Variants in TYW1B observed in about 807,000 individuals in gnomAD.
TYW1B encodes the protein tRNA-yW synthesizing protein 1 homolog B.
Under a neutral mutation model 86.9 loss-of-function variants are expected in TYW1B, and 73 were observed. The observed-to-expected ratio is 0.84, with a 90% CI of 0.70 to 1.02. The LOEUF is 1.02. TYW1B is among the 50% of genes least tolerant of loss of function. TYW1B has a pLI of 0.00. For missense variants in TYW1B, 637 were observed against 827.4 expected, an observed-to-expected ratio of 0.77 and a Z score of 2.82; for synonymous variants, 248 against 292.8, an observed-to-expected ratio of 0.85 and a Z score of 1.56.
intron 11 of TYW1B, among the ~76,000 whole-genome samples, chr7:72,663,761 CA>C (rs1177247717): frequency 1.0e-3 from 58 of 57,830 alleles, no homozygotes; most frequent in African/African-American, 4.0e-3. Context: ...GACTCCATCT[CA>C]AAAAAAAAAA....
At chr7:72,667,031 C>CAAAAAAAAAAAAAAAAAAAA (rs60691255) in intron 11 of TYW1B, among the ~76,000 whole-genome samples, 17 of 42,300 alleles carry the variant, frequency 4.0e-4, no homozygotes, top group Middle Eastern at 0.029. Context: ...GACTCCGTCT[C>CAAAAAAAAAAAAAAAAAAAA]AAAAAAAAAA....
At chr7:72,628,378 A>T (rs1173489640) in intron 12 of TYW1B, among the ~76,000 whole-genome samples, 1 of 152,178 alleles carries the variant, frequency 6.6e-6, no homozygotes, top group Non-Finnish European at 1.5e-5. Flanking sequence ...TAAATGATAT[A>T]ATTTTGGTGG....
chr7:72,610,609 C>G (rs559740704), intron 13 of TYW1B, among the ~76,000 whole-genome samples: 28 of 152,202 alleles, frequency 1.8e-4, no homozygotes, highest in African/African-American at 6.5e-4. Flanking sequence ...GTTGCTGGAC[C>G]TGAGGGTTAT....
At chr7:72,630,837 C>CA (rs1179092330) in intron 11 of TYW1B, among the ~76,000 whole-genome samples, 2 of 152,040 alleles carry the variant, frequency 1.3e-5, no homozygotes, top group Admixed American at 6.6e-5. Flanking sequence ...CTTCCAATGC[C>CA]AAAAGCTAAC....
intron 13 of TYW1B, among the ~76,000 whole-genome samples, chr7:72,597,587 CCG>C (rs1811567811): frequency 6.7e-6 from 1 of 150,032 alleles, no homozygotes; most frequent in Non-Finnish European, 1.5e-5. Flanking sequence ...CTGAACGCAC[CCG>C]ATCTCGGCTG....
intron 2 of TYW1B, among the ~76,000 whole-genome samples, chr7:72,817,331 C>A (rs1397363324): frequency 6.6e-6 from 1 of 151,908 alleles, no homozygotes; most frequent in Non-Finnish European, 1.5e-5. Context: ...CTGCTCGAAC[C>A]CAGGAGGCGG....
chr7:72,714,644 G>A (rs1448860667), intron 9 of TYW1B, among the ~76,000 whole-genome samples: 2 of 151,872 alleles, frequency 1.3e-5, no homozygotes. Flanking sequence ...TAGGCTGGGC[G>A]CAGTGGCTCA....
chr7:72,625,926 A>T (rs1454828523), intron 12 of TYW1B, among the ~76,000 whole-genome samples: 1 of 151,222 alleles, frequency 6.6e-6, no homozygotes, highest in East Asian at 2.0e-4. Flanking sequence ...AAGGAAATGA[A>T]AAAAGGGGAG....
chr7:72,616,948 G>C, intron 12 of TYW1B, 109 bp from the exon 13 acceptor site: 1 of 1,159,008 alleles, frequency 8.6e-7, no homozygotes, highest in Non-Finnish European at 1.2e-6. Context: ...AATCCAGTCC[G>C]TATTTTACAG....
At chr7:72,797,526 G>A (rs1161967460) in intron 6 of TYW1B, among the ~76,000 whole-genome samples, 4 of 152,202 alleles carry the variant, frequency 2.6e-5, no homozygotes, top group South Asian at 2.1e-4. Context: ...AGATCAGCCT[G>A]GGCAACATGG....
intron 2 of TYW1B, among the ~76,000 whole-genome samples, chr7:72,816,665 C>T (rs1366878968): frequency 2.6e-5 from 4 of 152,302 alleles, no homozygotes; most frequent in Non-Finnish European, 5.9e-5. Context: ...ACCCCAGCCC[C>T]AACAGAGAAC....
chr7:72,772,505 C>A (rs73702503), intron 7 of TYW1B, among the ~76,000 whole-genome samples: 119,129 of 151,456 alleles, frequency 0.79, 47,063 homozygotes, highest in Non-Finnish European at 0.8. Flanking sequence ...GAGAAAAATC[C>A]AATTCTAGGA....
chr7:72,744,147 TA>T (rs1441430467), intron 8 of TYW1B, among the ~76,000 whole-genome samples: 1 of 152,048 alleles, frequency 6.6e-6, no homozygotes, highest in Non-Finnish European at 1.5e-5. Flanking sequence ...GAGAGCAAGA[TA>T]AACAGAAAGC....
intron 11 of TYW1B, among the ~76,000 whole-genome samples, chr7:72,633,055 A>G (rs1812580547): frequency 6.6e-6 from 1 of 152,212 alleles, no homozygotes; most frequent in Non-Finnish European, 1.5e-5. Context: ...TGATCCCAAG[A>G]TAGCCTTCTT....
rs1263986003 is a variant in TYW1B at position 72,675,562 on chromosome 7, CAT to C, written c.1506+19123_1506+19124del. ...CAGTATATATATATATATATACACA[CAT>C]ATATATATACACACACACATATATA... is the stretch of plus-strand genomic sequence containing the variant. On this transcript the variant is annotated intron_variant, in intron 11 of 13. Coordinates refer to ENST00000620995, the MANE Select transcript of TYW1B (RefSeq NM_001145440.3). Among the ~76,000 whole-genome samples the C allele has an allele frequency of 1.1e-3, 111 of 102,548 alleles. 1 individual carries two copies. Among genetic ancestry groups the C allele is most frequent in the Admixed American group, 7.4e-3 (78 of 10,528 alleles). 67.3% of individuals were successfully genotyped at this position (102,548 alleles called of 152,430 possible).
chr7:72,601,901 G>A (rs551312303), intron 13 of TYW1B, among the ~76,000 whole-genome samples: 1 of 152,152 alleles, frequency 6.6e-6, no homozygotes, highest in African/African-American at 2.4e-5. Flanking sequence ...AAGTTTGGCA[G>A]GAGGGACGAA....
Position 72,594,412 on chromosome 7 carries a change from T to C in TYW1B, c.1786-18693A>G, listed in dbSNP as rs2960912. Among the ~76,000 whole-genome samples, 14 of 144,266 alleles carry C rather than the reference T, an allele frequency of 9.7e-5. No homozygotes were observed. In the East Asian group the frequency reaches 1.4e-3, roughly 15 times the overall value. 94.6% of individuals were successfully genotyped at this position (144,266 alleles called of 152,430 possible). On this transcript the variant is annotated intron_variant, in intron 13 of 13. Coordinates refer to ENST00000620995, the MANE Select transcript of TYW1B (RefSeq NM_001145440.3). ...CAACAAATGGATAACCTAGATGAAA[T>C]AGACAAATTCCTAGAAACATGAAAT...
chr7:72,708,526 T>C (rs1814665442), intron 10 of TYW1B, among the ~76,000 whole-genome samples: 1 of 152,192 alleles, frequency 6.6e-6, no homozygotes, highest in Admixed American at 6.5e-5. Context: ...ACTTGCTGAC[T>C]TGCTGTATGA....
intron 9 of TYW1B, among the ~76,000 whole-genome samples, chr7:72,716,979 G>C (rs1563070069): frequency 6.6e-6 from 1 of 151,854 alleles, no homozygotes; most frequent in Non-Finnish European, 1.5e-5. Context: ...CAGTGGGCTG[G>C]GCAGGAGAAC....
Sources: allele counts gnomAD v4.1 joint callset (sites outside exome capture counted in the v4.1 genomes callset), GRCh38; gene constraint gnomAD v4.1.1; transcripts MANE v1.5; gene names NCBI Gene and HGNC (gene_info 2026-07-23, HGNC 2026-07-21).